Variants in EIF4G2 observed in about 807,000 individuals in gnomAD.
EIF4G2 encodes eukaryotic translation initiation factor 4 gamma 2, also known as DAP-5.
In EIF4G2, 8 loss-of-function variants were observed where a neutral mutation model predicts 117.7. The observed-to-expected ratio is 0.07, with a 90% CI of 0.04 to 0.12. The LOEUF is 0.12. Among genes scored for constraint, EIF4G2 ranks in the 10% least tolerant of loss-of-function variants. The pLI is 1.00. For synonymous variants in EIF4G2, 413 were observed against 367.8 expected (o/e 1.12, Z -1.41); for missense variants, 812 against 1,086.2 (o/e 0.75, Z 3.55).
Position 10,797,957 on chromosome 11 carries a change from T to G in EIF4G2, c.2659-76A>C, listed in dbSNP as rs1023131866. 2.3e-6 allele frequency: 3 copies of G among 1,320,850 alleles called. No individual in the cohort carries two copies. In the African/African-American group the frequency reaches 4.4e-5, roughly 19 times the overall value. The allele number at this position is 1,320,850 out of a possible 1,614,324, so 81.8% of individuals were successfully genotyped here. A position where few individuals can be genotyped will look rare whatever the true frequency, so the allele number is the denominator to read the frequency against. ...CCATCCAAAAAGTTTTAGGTGGTAC[T>G]ACACAGTTTTAGAATATGAAACAAG... On this transcript the variant is annotated intron_variant, in intron 21 of 21. Coordinates refer to ENST00000339995, the MANE Select transcript of EIF4G2 (RefSeq NM_001418.4). The surrounding 1 kb of genome is among the most constrained non-coding windows in gnomAD (Gnocchi z 4.5).
chr11:10,806,202 C>T (rs1847564625), intron 3 of EIF4G2, 155 bp from the exon 4 acceptor site: 1 of 990,036 alleles, frequency 1.0e-6, no homozygotes, highest in Non-Finnish European at 1.5e-6. Context: ...CAGTAGTGTG[C>T]ATCAGAATCA....
chr11:10,802,323 C>G lies in EIF4G2; in HGVS notation c.1109G>C (p.Gly370Ala). ...CATTTGTCCAAACATATCAGCAAGT[C>G]CTCCAAGTGGGTCCCTATCCATTTT... is the stretch of plus-strand genomic sequence containing the variant. Residue 370 changes from glycine to alanine, a missense_variant, in exon 12 of 22, where the codon GGA (glycine) becomes GCA (alanine). This residue lies in a region of EIF4G2 where 571 missense variants were observed against 642.3 expected (regional missense o/e 0.89). Coordinates refer to ENST00000339995, the MANE Select transcript of EIF4G2 (RefSeq NM_001418.4). The G allele has an allele frequency of 6.2e-7, 1 of 1,613,658 alleles. No individual in the cohort carries two copies.
chr11:10,797,575 T>A lies in EIF4G2; in HGVS notation c.*241A>T, dbSNP rs1354257404. 1 of 476,088 alleles carries A rather than the reference T, an allele frequency of 2.1e-6. No homozygotes were observed. Among genetic ancestry groups the A allele is most frequent in the Non-Finnish European group, 3.7e-6 (1 of 267,192 alleles). The allele number at this position is 476,088 out of a possible 1,614,324, so 29.5% of individuals were successfully genotyped here. ...GCTTGAGAACTTATGATGTAATTATTGCATGCTGCTAATATACTATCTAAA... is the reference window on the plus strand; with the variant it reads ...GCTTGAGAACTTATGATGTAATTATAGCATGCTGCTAATATACTATCTAAA... On this transcript the variant is annotated 3_prime_UTR_variant, in exon 22 of 22. Coordinates refer to ENST00000339995, the MANE Select transcript of EIF4G2 (RefSeq NM_001418.4). This position sits in a 1 kb window ranked among gnomAD's most constrained non-coding sequence, Gnocchi z 4.5.
chr11:10,799,432 G>A lies in EIF4G2; in HGVS notation c.2325-8C>T, dbSNP rs777435901. 41 of 1,520,284 alleles carry A rather than the reference G, an allele frequency of 2.7e-5. No homozygotes were observed. Among genetic ancestry groups the A allele is most frequent in the Non-Finnish European group, 3.4e-5 (38 of 1,103,654 alleles). The allele number at this position is 1,520,284 out of a possible 1,614,324, so 94.2% of individuals were successfully genotyped here. ...GAAATGTACTGTAAGAAGCTGGACA[G>A]AAAGAGGTCTTGTTAGAACCCAACA... On this transcript the variant is annotated splice_region_variant and splice_polypyrimidine_tract_variant and intron_variant, in intron 19 of 21. Coordinates refer to ENST00000339995, the MANE Select transcript of EIF4G2 (RefSeq NM_001418.4).
In EIF4G2 at chr11:10,797,133, TA is replaced by T. The variant is rs890031439; in HGVS notation, c.*682del. 3 of 152,624 alleles carry T rather than the reference TA, an allele frequency of 2.0e-5. No homozygotes were observed. The highest frequency in any genetic ancestry group is 7.2e-5 in the African/African-American group (3 of 41,430). The allele number at this position is 152,624 out of a possible 1,614,324, so 9.5% of individuals were successfully genotyped here. On this transcript the variant is annotated 3_prime_UTR_variant, in exon 22 of 22. Transcript: ENST00000339995. The surrounding 1 kb of genome is among the most constrained non-coding windows in gnomAD (Gnocchi z 4.5). ...CATGACTTGATAAATTAAGTAGACT[TA>T]ATTTCAATACTATAATAGGAGGGAC...
At position 10,802,500 on chromosome 11, in the gene EIF4G2, C is replaced by T. The variant is rs1847450573; in HGVS notation, c.997-65G>A. 3 of 1,472,252 alleles carry T rather than the reference C, an allele frequency of 2.0e-6. No individual in the cohort carries two copies. In the African/African-American group the frequency reaches 4.3e-5, roughly 21 times the overall value. 91.2% of individuals were successfully genotyped at this position (1,472,252 alleles called of 1,614,324 possible). On this transcript the variant is annotated intron_variant, in intron 11 of 21. Coordinates refer to ENST00000339995, the MANE Select transcript of EIF4G2 (RefSeq NM_001418.4). ...CACTATTTCACTTAAAACTAAAATT[C>T]TTGCAACTAGGGGGGGAAACCTAGA...
chr11:10,805,989 T>C lies in EIF4G2; in HGVS notation c.166A>G (p.Thr56Ala). The C allele has an allele frequency of 2.5e-6, 4 of 1,614,256 alleles. No homozygotes were observed. Among genetic ancestry groups the C allele is most frequent in the Non-Finnish European group, 3.4e-6 (4 of 1,180,030 alleles). The change falls in exon 4 of 22, where the codon ACT (threonine) becomes GCT (alanine). Residue 56 changes from threonine to alanine, a missense_variant. Transcript: ENST00000339995. ...GCTGCGGAGTTGTCATCTCGTCTAG[T>C]GCTTCGTGCAGGAATCCATTTCTGA... is the stretch of plus-strand genomic sequence containing the variant.
At chr11:10,807,534 AT>A in intron 1 of EIF4G2, 153 bp from the exon 2 acceptor site, 2 of 1,292,610 alleles carry the variant, frequency 1.5e-6, no homozygotes, top group Non-Finnish European at 2.0e-6. Flanking sequence ...TGACAATTAC[AT>A]TTTGTTTAGC....
At chr11:10,808,097 G>A (rs1426672948) in intron 1 of EIF4G2, 2 of 1,058,096 alleles carry the variant, frequency 1.9e-6, no homozygotes, top group Non-Finnish European at 2.3e-6. Context: ...TCTCCAAGCA[G>A]GAAGGCGGCC....
chr11:10,808,550 T>C (rs747339482), intron 1 of EIF4G2, 155 bp downstream of exon 1: 36 of 1,116,348 alleles, frequency 3.2e-5, no homozygotes, highest in Admixed American at 4.4e-5. Context: ...AAGCCAAGAC[T>C]TTCCAGGTAT....
At position 10,804,956 on chromosome 11, in the gene EIF4G2, A is replaced by C; in HGVS notation, c.308T>G (p.Val103Gly). 1 of 1,614,134 alleles carries C rather than the reference A, an allele frequency of 6.2e-7. No individual in the cohort carries two copies. The highest frequency in any genetic ancestry group is 8.5e-7 in the Non-Finnish European group (1 of 1,180,010). The change falls in exon 5 of 22, where the codon GTG becomes GGG. Residue 103 changes from valine to glycine, a missense_variant. This residue lies in a region of EIF4G2 where 154 missense variants were observed against 322.1 expected (regional missense o/e 0.48). Coordinates refer to ENST00000339995, the MANE Select transcript of EIF4G2 (RefSeq NM_001418.4). The stretch of plus-strand genomic sequence containing the variant: ...AAGGATGAGTTTAGACTCTACACCC[A>C]CATTGAGGAGCTCAAGGCATAGCTT...
In EIF4G2 at chr11:10,802,511, G is replaced by C. The variant is rs570284775; in HGVS notation, c.997-76C>G. On this transcript the variant is annotated intron_variant, in intron 11 of 21. Coordinates refer to ENST00000339995, the MANE Select transcript of EIF4G2 (RefSeq NM_001418.4). The stretch of plus-strand genomic sequence containing the variant: ...TTAAAACTAAAATTCTTGCAACTAG[G>C]GGGGGAAACCTAGAATATTAAACCA... 6.5e-5 allele frequency: 95 copies of C among 1,457,988 alleles called. No individual in the cohort carries two copies. The African/African-American group carries it at 1.0e-3, about 16-fold the overall frequency. The allele number at this position is 1,457,988 out of a possible 1,614,324, so 90.3% of individuals were successfully genotyped here. A position where few individuals can be genotyped will look rare whatever the true frequency, so the allele number is the denominator to read the frequency against.
Position 10,806,884 on chromosome 11 carries a change from C to G in EIF4G2, c.43G>C (p.Ala15Pro). ...CTACTTCCTCCTCCGCCCGAAGAAG[C>G]ACTATTTAAAAGAAAAAAATTGTTT... The change falls in exon 3 of 22, where the codon GCT (alanine) becomes CCT (proline). Residue 15 changes from alanine (A) to proline (P), a missense_variant and splice_region_variant. Ala to Pro is a conservative substitution (Grantham distance 27). Coordinates refer to ENST00000339995, the MANE Select transcript of EIF4G2 (RefSeq NM_001418.4). The G allele has an allele frequency of 6.2e-7, 1 of 1,614,060 alleles. No individual in the cohort carries two copies.
At chr11:10,808,587 A>T in intron 1 of EIF4G2, 118 bp downstream of exon 1, 1 of 889,070 alleles carries the variant, frequency 1.1e-6, no homozygotes, top group Non-Finnish European at 1.4e-6. Flanking sequence ...ATGCTAAAAA[A>T]GGGTCGCCCC....
Position 10,801,006 on chromosome 11 carries a change from G to A in EIF4G2, c.1495C>T (p.Pro499Ser), listed in dbSNP as rs1210588864. ...TGAGTGCGTGGTGGTTGTGCACTAG[G>A]AGGAATCATAGTTATCTGGGGCTGA... is the stretch of plus-strand genomic sequence containing the variant. The change falls in exon 15 of 22, where the codon CCT becomes TCT. Residue 499 changes from proline (P) to serine (S), a missense_variant. Pro to Ser is a moderately conservative substitution (Grantham distance 74). Around this residue, in one of 4 missense-constraint regions of EIF4G2, gnomAD observed 571 missense variants for 642.3 expected, o/e 0.89. Transcript: ENST00000339995. The A allele has an allele frequency of 1.9e-6, 3 of 1,614,094 alleles. No homozygotes were observed. Among genetic ancestry groups the A allele is most frequent in the Non-Finnish European group, 1.7e-6 (2 of 1,180,020 alleles).
In EIF4G2 at chr11:10,801,689, G is replaced by C. The variant is rs774854761; in HGVS notation, c.1385C>G (p.Ser462Cys). ...ATCTGCATTAAGCTGTCCTTTCTTAGAAAACCGAGGTGGCATATCCTTCGA... is the reference window on the plus strand; with the variant it reads ...ATCTGCATTAAGCTGTCCTTTCTTACAAAACCGAGGTGGCATATCCTTCGA... The change falls in exon 14 of 22, where the codon TCT (serine) becomes TGT (cysteine). Residue 462 changes from serine (S) to cysteine (C), a missense_variant. Ser to Cys is a moderately radical substitution (Grantham distance 112). This residue lies in a region of EIF4G2 where 571 missense variants were observed against 642.3 expected (regional missense o/e 0.89). Coordinates refer to ENST00000339995, the MANE Select transcript of EIF4G2 (RefSeq NM_001418.4). The C allele has an allele frequency of 6.2e-7, 1 of 1,614,150 alleles. No individual in the cohort carries two copies. Among genetic ancestry groups the C allele is most frequent in the African/African-American group, 1.3e-5 (1 of 75,046 alleles).
intron 14 of EIF4G2, 36 bp from the exon 15 acceptor site, chr11:10,801,123 C>T (rs1847404270): frequency 1.2e-6 from 2 of 1,611,844 alleles, no homozygotes; most frequent in Non-Finnish European, 1.7e-6. Context: ...AAATTAACAA[C>T]ATGCAGTTGG....
At position 10,803,089 on chromosome 11, in the gene EIF4G2, T is replaced by G; in HGVS notation, c.937A>C (p.Lys313Gln). Residue 313 changes from lysine (K) to glutamine (Q), a missense_variant, in exon 11 of 22, where the codon AAG (lysine) becomes CAG (glutamine). Coordinates refer to ENST00000339995, the MANE Select transcript of EIF4G2 (RefSeq NM_001418.4). This position sits in a 1 kb window ranked among gnomAD's most constrained non-coding sequence, Gnocchi z 4.0. ...TTTGGTCCATTGTCAAGAAAAGCCT[T>G]GCGAGGAACCCAATGGTGTTCTCGC... The G allele has an allele frequency of 6.2e-7, 1 of 1,610,998 alleles. No homozygotes were observed. Among genetic ancestry groups the G allele is most frequent in the South Asian group, 1.1e-5 (1 of 90,570 alleles).
intron 3 of EIF4G2, 86 bp downstream of exon 3, chr11:10,806,734 G>T: frequency 7.0e-7 from 1 of 1,426,048 alleles, no homozygotes; most frequent in Non-Finnish European, 9.9e-7. Context: ...GAGTCTTGAT[G>T]GCTATTGCCT....
Sources: gnomAD v4.1 joint callset for allele counts on GRCh38, gnomAD v4.1.1 for gene constraint, gnomAD v4.1.1 regional missense constraint, Gnocchi (gnomAD v3.1) non-coding constraint, MANE v1.5 for transcripts, NCBI Gene and HGNC (gene_info 2026-07-23, HGNC 2026-07-21) for gene names.